The following RNF2 variants were observed in gnomAD, a reference collection of about 807,000 sequenced individuals.
The protein encoded by RNF2 is E3 ubiquitin-protein ligase RING2.
A neutral mutation model predicts 37.2 loss-of-function variants in RNF2; 6 were observed. That is an observed-to-expected ratio of 0.16 (90% CI 0.09 to 0.32). RNF2 has a LOEUF of 0.32. Ranked by LOEUF, RNF2 falls within the 10% of genes least tolerant of loss-of-function variation. The pLI is 1.00. For missense variants in RNF2, 251 were observed against 404.0 expected (o/e 0.62, Z 3.25); for synonymous variants, 133 against 132.7 (o/e 1.00, Z -0.02).
Position 185,091,648 on chromosome 1 carries a change from A to G in RNF2, c.157A>G (p.Ile53Val), listed in dbSNP as rs763609823. 45 of 1,614,156 alleles carry G rather than the reference A, an allele frequency of 2.8e-5. No homozygotes were observed. The highest frequency in any genetic ancestry group is 3.8e-5 in the Non-Finnish European group (45 of 1,180,018). ...RSLHSELMCP[I>V]CLDMLKNTMT... ...TCTACACAGTGAATTAATGTGCCCA[A>G]TTTGTTTGGATATGTTGAAGAACAC... is the stretch of plus-strand genomic sequence containing the variant. Residue 53 changes from isoleucine to valine, a missense_variant, in exon 3 of 7, where the codon ATT becomes GTT. This residue lies in a region of RNF2 where 43 missense variants were observed against 82.7 expected (regional missense o/e 0.52). Coordinates refer to ENST00000367510, the MANE Select transcript of RNF2 (RefSeq NM_007212.4).
intron 1 of RNF2, among the ~76,000 whole-genome samples, chr1:185,060,903 G>A (rs1228023913): frequency 2.0e-5 from 3 of 152,156 alleles, no homozygotes; most frequent in Non-Finnish European, 4.4e-5. Context: ...AAGATCACTT[G>A]AGGCCAGGAG....
intron 1 of RNF2, among the ~76,000 whole-genome samples, chr1:185,087,165 T>A (rs549005003): frequency 2.0e-5 from 3 of 152,222 alleles, no homozygotes; most frequent in African/African-American, 4.8e-5. Flanking sequence ...CCTATCTTAA[T>A]CCATTTAGCC....
intron 1 of RNF2, among the ~76,000 whole-genome samples, chr1:185,066,073 AATTT>A (rs1416127015): frequency 6.6e-6 from 1 of 151,024 alleles, no homozygotes; most frequent in African/African-American, 2.4e-5. Context: ...TGCCTTTTCT[AATTT>A]ATTCTTATTA....
Position 185,098,361 on chromosome 1 carries a change from G to T in RNF2, c.737+17G>T. The T allele has an allele frequency of 6.2e-7, 1 of 1,606,844 alleles. No homozygotes were observed. Among genetic ancestry groups the T allele is most frequent in the Non-Finnish European group, 8.5e-7 (1 of 1,174,790 alleles). ...ACAGACGAGGTAAGTGTGTGGATTAGTTTCAGATTATCTAAATTCAGAATG... is the reference window on the plus strand; with the variant it reads ...ACAGACGAGGTAAGTGTGTGGATTATTTTCAGATTATCTAAATTCAGAATG... On this transcript the variant is annotated intron_variant, in intron 5 of 6. Coordinates refer to ENST00000367510, the MANE Select transcript of RNF2 (RefSeq NM_007212.4).
chr1:185,071,153 A>G (rs1302836983), intron 1 of RNF2, among the ~76,000 whole-genome samples: 1 of 152,170 alleles, frequency 6.6e-6, no homozygotes, highest in Non-Finnish European at 1.5e-5. Context: ...CAGTAAATCT[A>G]TACTTTACAT....
At chr1:185,071,991 T>C (rs1323448817) in intron 1 of RNF2, 1 of 152,458 alleles carries the variant, frequency 6.6e-6, no homozygotes, top group South Asian at 2.1e-4. Flanking sequence ...AAGACATGAA[T>C]AGGTAGATGT....
At chr1:185,070,292 A>G (rs1471963711) in intron 1 of RNF2, among the ~76,000 whole-genome samples, 5 of 152,246 alleles carry the variant, frequency 3.3e-5, no homozygotes, top group South Asian at 2.1e-4. Flanking sequence ...AAATTTGCCT[A>G]TGAATCCACA....
intron 2 of RNF2, among the ~76,000 whole-genome samples, chr1:185,090,298 G>A (rs966335270): frequency 2.0e-5 from 3 of 152,154 alleles, no homozygotes; most frequent in African/African-American, 4.8e-5. Flanking sequence ...ATCTGCACAG[G>A]TACAGCCCTG....
chr1:185,096,944 CA>C (rs1225165059), intron 4 of RNF2, among the ~76,000 whole-genome samples: 1 of 151,072 alleles, frequency 6.6e-6, no homozygotes, highest in Non-Finnish European at 1.5e-5. Flanking sequence ...CTTACAAGTG[CA>C]AGGCATTCTT....
At position 185,098,259 on chromosome 1, in the gene RNF2, C is replaced by G; in HGVS notation, c.652C>G (p.Pro218Ala). 1 of 1,614,092 alleles carries G rather than the reference C, an allele frequency of 6.2e-7. No homozygotes were observed. Among genetic ancestry groups the G allele is most frequent in the Non-Finnish European group, 8.5e-7 (1 of 1,179,990 alleles). ...TAACAATGCAGCAATGGCAATTGAT[C>G]CAGTAATGGATGGTGCTAGTGAAAT... Reference protein sequence around the residue: ...DNNNAAMAIDPVMDGASEIEL... With the variant: ...DNNNAAMAIDAVMDGASEIEL... The change falls in exon 5 of 7, where the codon CCA becomes GCA. Residue 218 changes from proline to alanine, a missense_variant. By Grantham distance (27) the Pro-to-Ala change is conservative. Transcript: ENST00000367510.
At chr1:185,083,502 T>G (rs1383300644) in intron 1 of RNF2, among the ~76,000 whole-genome samples, 1 of 152,112 alleles carries the variant, frequency 6.6e-6, no homozygotes, top group Non-Finnish European at 1.5e-5. Flanking sequence ...CACTCTTCGC[T>G]TTCTCTCTCC....
At chr1:185,094,293 C>T (rs1056555869) in intron 4 of RNF2, among the ~76,000 whole-genome samples, 3 of 152,034 alleles carry the variant, frequency 2.0e-5, no homozygotes, top group Non-Finnish European at 2.9e-5. Flanking sequence ...CAGGTGCACG[C>T]CACCATGCCC....
rs1328341156 is a variant in RNF2 at position 185,084,887 on chromosome 1, ACT to A, written c.-2-2662_-2-2661del. 2.6e-5 allele frequency among the ~76,000 whole-genome samples: 4 copies of A among 152,212 alleles called. No individual in the cohort carries two copies. In the East Asian group the frequency reaches 7.7e-4, roughly 29 times the overall value. ...CTGGGGCCTATGACTGAATAATCAAACTCTGTGATTACCAGTCTGTTAACCGT... is the reference window on the plus strand; with the variant it reads ...CTGGGGCCTATGACTGAATAATCAAACTGTGATTACCAGTCTGTTAACCGT... On this transcript the variant is annotated intron_variant, in intron 1 of 6. Transcript: ENST00000367510.
At chr1:185,069,070 T>C (rs1238317251) in intron 1 of RNF2, among the ~76,000 whole-genome samples, 1 of 152,216 alleles carries the variant, frequency 6.6e-6, no homozygotes, top group Non-Finnish European at 1.5e-5. Flanking sequence ...GAGTACAATT[T>C]AGGCTCCTAA....
Position 185,099,906 on chromosome 1 carries a change from A to T in RNF2, c.853A>T (p.Thr285Ser). The change falls in exon 6 of 7, where the codon ACA becomes TCA. Residue 285 changes from threonine (T) to serine (S), a missense_variant. Physicochemically the swap from Thr to Ser is moderately conservative, Grantham distance 58 (BLOSUM62 1). Around this residue, in one of 7 missense-constraint regions of RNF2, gnomAD observed 59 missense variants for 69.1 expected, o/e 0.85. Coordinates refer to ENST00000367510, the MANE Select transcript of RNF2 (RefSeq NM_007212.4). ...TGAATCAAACCAGATGAACCTTGATACAGCCAGTGAGAAGCAGTATACCAT... is the reference window on the plus strand; with the variant it reads ...TGAATCAAACCAGATGAACCTTGATTCAGCCAGTGAGAAGCAGTATACCAT... ...KGESNQMNLD[T>S]ASEKQYTIYI... 6.2e-7 allele frequency: 1 copy of T among 1,614,144 alleles called. No individual in the cohort carries two copies.
chr1:185,083,207 A>G (rs1005988934), intron 1 of RNF2, among the ~76,000 whole-genome samples: 1 of 152,178 alleles, frequency 6.6e-6, no homozygotes, highest in Non-Finnish European at 1.5e-5. Context: ...AGAGGATAAA[A>G]TATCTTTTGA....
chr1:185,084,612 T>C (rs536183793), intron 1 of RNF2, among the ~76,000 whole-genome samples: 12 of 152,342 alleles, frequency 7.9e-5, no homozygotes, highest in Admixed American at 7.2e-4. Flanking sequence ...TTTGGTACTT[T>C]TTTTCCTTTC....
At chr1:185,094,222 A>G (rs1651850281) in intron 4 of RNF2, among the ~76,000 whole-genome samples, 1 of 151,862 alleles carries the variant, frequency 6.6e-6, no homozygotes, top group South Asian at 2.1e-4. Flanking sequence ...GCTCACTGCA[A>G]CCTCTGCCTC....
chr1:185,090,287 C>A (rs1230877842), intron 2 of RNF2, among the ~76,000 whole-genome samples: 1 of 152,170 alleles, frequency 6.6e-6, no homozygotes, highest in African/African-American at 2.4e-5. Context: ...CAGTGCTACA[C>A]ATCTGCACAG....
Sources: gnomAD v4.1 joint callset for allele counts (sites outside exome capture counted in the v4.1 genomes callset) on GRCh38, gnomAD v4.1.1 for gene constraint, gnomAD v4.1.1 regional missense constraint, MANE v1.5 for transcripts, NCBI Gene and HGNC (gene_info 2026-07-23, HGNC 2026-07-21) for gene names.